Variants in GDAP2 observed in about 807,000 individuals in gnomAD.
GDAP2 encodes the protein ganglioside induced differentiation associated protein 2.
GDAP2 carries 51 observed loss-of-function variants against 67.0 expected under a neutral mutation model. The ratio of observed to expected loss-of-function variants is 0.76; its 90% confidence interval spans 0.61 to 0.96. The LOEUF (loss-of-function observed/expected upper bound fraction) is 0.96. Ranked by LOEUF, GDAP2 falls within the 40% of genes least tolerant of loss-of-function variation. GDAP2 has a pLI of 0.00. For missense variants in GDAP2, 547 were observed against 588.3 expected (o/e 0.93, Z 0.73); for synonymous variants, 203 against 207.3 (o/e 0.98, Z 0.18).
At chr1:117,886,274 T>A (rs2101126400) in intron 10 of GDAP2, among the ~76,000 whole-genome samples, 1 of 152,344 alleles carries the variant, frequency 6.6e-6, no homozygotes, top group Admixed American at 6.5e-5. Flanking sequence ...AGAATTTGAT[T>A]ACACAATTAT....
At chr1:117,911,616 A>C (rs553487425) in intron 5 of GDAP2, among the ~76,000 whole-genome samples, 1 of 152,248 alleles carries the variant, frequency 6.6e-6, no homozygotes, top group East Asian at 1.9e-4. Context: ...AAGTCTTCTG[A>C]CCCGTTATTC....
At chr1:117,877,979 A>G in intron 13 of GDAP2, 30 bp downstream of exon 13, 1 of 1,612,192 alleles carries the variant, frequency 6.2e-7, no homozygotes, top group South Asian at 1.1e-5. Context: ...ATACCATACC[A>G]GGTGAGGGAG....
intron 6 of GDAP2, 52 bp from the exon 7 acceptor site, chr1:117,899,268 A>C: frequency 4.7e-6 from 6 of 1,272,802 alleles, no homozygotes; most frequent in Non-Finnish European, 6.9e-6. Flanking sequence ...AACAAAGAAG[A>C]CCTCAGCAGT....
intron 5 of GDAP2, among the ~76,000 whole-genome samples, chr1:117,908,843 AT>A (rs1557806032): frequency 4.6e-5 from 7 of 152,046 alleles, no homozygotes; most frequent in African/African-American, 1.7e-4. Context: ...AAATAAATAA[AT>A]AAATAAATAA....
Position 117,912,522 on chromosome 1 carries a change from G to T in GDAP2, c.470+8C>A. On this transcript the variant is annotated splice_region_variant and intron_variant, in intron 4 of 13. Coordinates refer to ENST00000369443, the MANE Select transcript of GDAP2 (RefSeq NM_017686.4). ...ATATGCTATGTCCAGAAAATGAGTA[G>T]ACCATACTTTGCTAGTTGAAGTACG... 6.2e-7 allele frequency: 1 copy of T among 1,610,270 alleles called. No individual in the cohort carries two copies. The highest frequency in any genetic ancestry group is 8.5e-7 in the Non-Finnish European group (1 of 1,177,068).
At chr1:117,886,945 A>ACAGG (rs1489737036) in intron 9 of GDAP2, among the ~76,000 whole-genome samples, 3 of 152,108 alleles carry the variant, frequency 2.0e-5, no homozygotes, top group Non-Finnish European at 4.4e-5. Flanking sequence ...TTTTCTAGAG[A>ACAGG]CAGGATCTTG....
At chr1:117,877,904 T>C in intron 13 of GDAP2, 105 bp downstream of exon 13, 1 of 1,385,640 alleles carries the variant, frequency 7.2e-7, no homozygotes, top group Non-Finnish European at 9.5e-7. Context: ...ACTCACTAAT[T>C]TACATTAATA....
At chr1:117,923,615 T>C (rs1238440432) in intron 1 of GDAP2, among the ~76,000 whole-genome samples, 3 of 151,976 alleles carry the variant, frequency 2.0e-5, no homozygotes, top group Non-Finnish European at 4.4e-5. Flanking sequence ...ATGTGAACTT[T>C]CTCCCCCCCA....
chr1:117,928,213 A>T (rs1399107467), intron 1 of GDAP2, among the ~76,000 whole-genome samples: 4 of 152,236 alleles, frequency 2.6e-5, no homozygotes, highest in African/African-American at 9.6e-5. Context: ...TTAGAGCAGG[A>T]ATATTGAAAT....
At chr1:117,873,251 A>C (rs1190952522) in intron 13 of GDAP2, among the ~76,000 whole-genome samples, 3 of 152,182 alleles carry the variant, frequency 2.0e-5, no homozygotes, top group African/African-American at 4.8e-5. Flanking sequence ...AAGAATGCCA[A>C]TAACTCTCTT....
chr1:117,877,201 T>TA (rs781580059), intron 13 of GDAP2: 7 of 725,090 alleles, frequency 9.7e-6, no homozygotes, highest in Non-Finnish European at 1.0e-5. Flanking sequence ...TAGCTAAAGT[T>TA]AGAGAAATGT....
Position 117,907,818 on chromosome 1 carries a change from C to T in GDAP2, c.560-1236G>A, listed in dbSNP as rs555997336. On this transcript the variant is annotated intron_variant, in intron 5 of 13. Coordinates refer to ENST00000369443, the MANE Select transcript of GDAP2 (RefSeq NM_017686.4). ...GCCTGAGTTATCTTCTCATGTTACC[C>T]GAGTTATCTTCTCATGTTACCCTTT... Among the ~76,000 whole-genome samples the T allele has an allele frequency of 2.5e-3, 386 of 152,142 alleles. 2 individuals carry two copies. Among genetic ancestry groups the T allele is most frequent in the African/African-American group, 8.9e-3 (368 of 41,482 alleles).
intron 6 of GDAP2, among the ~76,000 whole-genome samples, chr1:117,903,652 G>C (rs1472086172): frequency 6.6e-6 from 1 of 151,858 alleles, no homozygotes; most frequent in African/African-American, 2.4e-5. Context: ...CAATTCTTTT[G>C]TATGTTGCTG....
chr1:117,918,636 C>T lies in GDAP2; in HGVS notation c.277G>A (p.Ala93Thr), dbSNP rs775040148. 1.2e-6 allele frequency: 2 copies of T among 1,610,122 alleles called. No individual in the cohort carries two copies. Among genetic ancestry groups the T allele is most frequent in the Non-Finnish European group, 1.7e-6 (2 of 1,176,496 alleles). The change falls in exon 3 of 14, where the codon GCA becomes ACA. Residue 93 changes from alanine to threonine, a missense_variant. By Grantham distance (58) the Ala-to-Thr change is moderately conservative (BLOSUM62 0). Transcript: ENST00000369443. ...AGATCTTCCTTCAAATCAGGCCCTG[C>T]AAGCATGAAGATACTTTCTGACACA... ...NPVSESIFML[A>T]GPDLKEDLQK...
At chr1:117,889,460 T>C (rs1018819883) in intron 8 of GDAP2, among the ~76,000 whole-genome samples, 4 of 152,056 alleles carry the variant, frequency 2.6e-5, no homozygotes, top group Non-Finnish European at 4.4e-5. Flanking sequence ...TTGACCAACA[T>C]CTCCCCAATC....
intron 6 of GDAP2, among the ~76,000 whole-genome samples, chr1:117,903,011 C>CT (rs1307795767): frequency 2.0e-5 from 3 of 152,004 alleles, no homozygotes; most frequent in Non-Finnish European, 4.4e-5. Context: ...ATATTTGATT[C>CT]TTTTTTTGAT....
At chr1:117,879,791 T>C (rs1328158797) in intron 12 of GDAP2, among the ~76,000 whole-genome samples, 1 of 152,100 alleles carries the variant, frequency 6.6e-6, no homozygotes. Flanking sequence ...GAAGATTGCA[T>C]ATATTTTGGA....
At chr1:117,904,147 CA>C (rs1434030651) in intron 6 of GDAP2, among the ~76,000 whole-genome samples, 1 of 151,878 alleles carries the variant, frequency 6.6e-6, no homozygotes, top group Non-Finnish European at 1.5e-5. Context: ...TCACCACATT[CA>C]GCTAATTTTT....
rs1648105863 is a variant in GDAP2 at position 117,867,407 on chromosome 1, G to C, written c.*3162C>G. 1 of 151,792 alleles carries C rather than the reference G, an allele frequency of 6.6e-6. No individual in the cohort carries two copies. Among genetic ancestry groups the C allele is most frequent in the Non-Finnish European group, 1.5e-5 (1 of 67,980 alleles). The allele number at this position is 151,792 out of a possible 1,614,324, so 9.4% of individuals were successfully genotyped here. A position where few individuals can be genotyped will look rare whatever the true frequency, so the allele number is the denominator to read the frequency against. ...GTATTCCTTTGAAAAAGGAAATACA[G>C]GATGGGCACGGTGGCTCATACTGGT... On this transcript the variant is annotated 3_prime_UTR_variant, in exon 14 of 14. Transcript: ENST00000369443.
Sources: gnomAD v4.1 joint callset for allele counts (sites outside exome capture counted in the v4.1 genomes callset) on GRCh38, gnomAD v4.1.1 for gene constraint, MANE v1.5 for transcripts, NCBI Gene and HGNC (gene_info 2026-07-23, HGNC 2026-07-21) for gene names.